The following EHBP1 variants were observed in gnomAD, a reference collection of about 807,000 sequenced individuals.
EHBP1 encodes the protein EH domain-binding protein 1.
Under a neutral mutation model 144.0 loss-of-function variants are expected in EHBP1, and 55 were observed. The ratio of observed to expected loss-of-function variants is 0.38; its 90% CI spans 0.31 to 0.48. The LOEUF (loss-of-function observed/expected upper bound fraction) is 0.48, where lower values mean the gene tolerates loss of function less well. Among genes scored for constraint, EHBP1 ranks in the 20% least tolerant of loss-of-function variants. The probability of loss-of-function intolerance (pLI) is 0.98; values close to 1 mark genes in which losing one functional copy is unlikely to be tolerated. For missense variants in EHBP1, 1,200 were observed against 1,364.2 expected, an observed-to-expected ratio of 0.88 and a Z score of 1.90; for synonymous variants, 469 against 472.7, an observed-to-expected ratio of 0.99 and a Z score of 0.10.
chr2:62,825,722 G>A (rs1026630144), intron 5 of EHBP1, among the ~76,000 whole-genome samples: 2 of 152,006 alleles, frequency 1.3e-5, no homozygotes, highest in Admixed American at 6.6e-5. Context: ...TCAAAGCAAA[G>A]CAAATAACTG....
At chr2:62,743,966 G>A (rs895134675) in intron 2 of EHBP1, among the ~76,000 whole-genome samples, 2 of 152,128 alleles carry the variant, frequency 1.3e-5, no homozygotes, top group South Asian at 2.1e-4. Context: ...AAAGCATGCC[G>A]TCTTCAGATT....
intron 10 of EHBP1, among the ~76,000 whole-genome samples, chr2:62,921,217 G>A (rs549855064): frequency 5.9e-5 from 9 of 152,000 alleles, no homozygotes; most frequent in East Asian, 1.9e-4. Context: ...AGGCTGAGGC[G>A]GGCGGATCAC....
chr2:62,700,081 T>C (rs1011888682), intron 1 of EHBP1, among the ~76,000 whole-genome samples: 1 of 152,192 alleles, frequency 6.6e-6, no homozygotes, highest in Non-Finnish European at 1.5e-5. Context: ...CACCAAAGAA[T>C]ACTGTTCCTA....
At chr2:63,022,814 A>G (rs1282728047) in intron 19 of EHBP1, among the ~76,000 whole-genome samples, 2 of 152,194 alleles carry the variant, frequency 1.3e-5, no homozygotes, top group Non-Finnish European at 2.9e-5. Context: ...CAAAGGAGCT[A>G]TCTCATCAGA....
chr2:62,816,109 T>G (rs1297885863), intron 5 of EHBP1, among the ~76,000 whole-genome samples: 2 of 152,184 alleles, frequency 1.3e-5, no homozygotes, highest in African/African-American at 4.8e-5. Context: ...ACTCCCATAC[T>G]TTTCCAGCTA....
chr2:62,904,854 TA>T (rs1331001803), intron 10 of EHBP1, among the ~76,000 whole-genome samples: 1 of 152,220 alleles, frequency 6.6e-6, no homozygotes, highest in Non-Finnish European at 1.5e-5. Context: ...TCTAGTGTCT[TA>T]CCATATGCTA....
At chr2:62,938,226 G>A (rs908661866) in intron 10 of EHBP1, among the ~76,000 whole-genome samples, 1 of 152,202 alleles carries the variant, frequency 6.6e-6, no homozygotes, top group South Asian at 2.1e-4. Flanking sequence ...CAGCCAACTG[G>A]AAATGTCAAC....
intron 10 of EHBP1, among the ~76,000 whole-genome samples, chr2:62,938,599 A>G (rs2056539562): frequency 1.3e-5 from 2 of 152,196 alleles, no homozygotes; most frequent in South Asian, 4.1e-4. Context: ...AAAATTCATT[A>G]TATTTGCAAG....
chr2:62,677,062 G>A (rs772668119), intron 1 of EHBP1, among the ~76,000 whole-genome samples: 1 of 152,170 alleles, frequency 6.6e-6, no homozygotes, highest in East Asian at 1.9e-4. Context: ...ACTCGCAGTG[G>A]TCGGGGAGGG....
intron 10 of EHBP1, among the ~76,000 whole-genome samples, chr2:62,891,632 A>AC (rs1284019872): frequency 6.6e-5 from 10 of 152,140 alleles, no homozygotes; most frequent in Non-Finnish European, 1.5e-4. Context: ...GGACATGTAA[A>AC]CGCTTCAATA....
intron 18 of EHBP1, among the ~76,000 whole-genome samples, chr2:62,994,758 A>G (rs1356413675): frequency 6.6e-6 from 1 of 152,132 alleles, no homozygotes; most frequent in African/African-American, 2.4e-5. Context: ...CACCAACTAC[A>G]TTTTAGGACT....
chr2:62,824,873 GA>G (rs1360993812), intron 5 of EHBP1, among the ~76,000 whole-genome samples: 1 of 151,814 alleles, frequency 6.6e-6, no homozygotes, highest in Non-Finnish European at 1.5e-5. Context: ...TCAAACATAG[GA>G]GAAATAAAGA....
chr2:62,889,761 G>C (rs1278178206), intron 10 of EHBP1, among the ~76,000 whole-genome samples: 1 of 151,500 alleles, frequency 6.6e-6, no homozygotes, highest in African/African-American at 2.4e-5. Context: ...GTCTATTTTT[G>C]TACTTGTTTT....
chr2:62,830,499 T>C (rs971662541), intron 6 of EHBP1, among the ~76,000 whole-genome samples: 7 of 152,168 alleles, frequency 4.6e-5, no homozygotes, highest in African/African-American at 1.7e-4. Context: ...ACTATTTCAT[T>C]TTTTACTTGT....
rs369538594 is a variant in EHBP1 at position 63,045,154 on chromosome 2, C to A, written c.3366C>A (p.Val1122=). 17 of 1,594,536 alleles carry A rather than the reference C, an allele frequency of 1.1e-5. No homozygotes were observed. Among genetic ancestry groups the A allele is most frequent in the Non-Finnish European group, 1.5e-5 (17 of 1,170,090 alleles). The part of the protein sequence containing the change: ...VALVNKRDAL[V]RDLDAQEKQA... ...TGGTGAACAAGCGCGATGCGCTCGTCAGGGACCTGGACGCGCAGGAGAAGC... is the reference window on the plus strand; with the variant it reads ...TGGTGAACAAGCGCGATGCGCTCGTAAGGGACCTGGACGCGCAGGAGAAGC... The change falls in exon 22 of 23, where the codon GTC becomes GTA. Residue 1122 remains valine, a synonymous_variant. Coordinates refer to ENST00000431489, the MANE Select transcript of EHBP1 (RefSeq NM_001142616.3). This position sits in a 1 kb window ranked among gnomAD's most constrained non-coding sequence, Gnocchi z 5.7.
intron 19 of EHBP1, among the ~76,000 whole-genome samples, chr2:63,034,474 A>G (rs1005759461): frequency 9.2e-5 from 14 of 152,114 alleles, no homozygotes; most frequent in Admixed American, 2.6e-4. Flanking sequence ...GTTAGGTTAA[A>G]TAAGATTAAA....
In EHBP1 at chr2:62,690,137, A is replaced by G. The variant is rs376192451; in HGVS notation, c.-296+16054A>G. ...ATCTGGGAGGCTGTGAAAGCAGTCT[A>G]GTTAACAGTCACCTGCAGCATAGCA... is the stretch of plus-strand genomic sequence containing the variant. On this transcript the variant is annotated intron_variant, in intron 1 of 22. Coordinates refer to the EHBP1 transcript ENST00000405015. Among the ~76,000 whole-genome samples, 37 of 152,330 alleles carry G rather than the reference A, an allele frequency of 2.4e-4. No homozygotes were observed. In the East Asian group the frequency reaches 3.7e-3, roughly 15 times the overall value.
At chr2:62,674,198 G>A in intron 1 of EHBP1, 2 of 464,878 alleles carry the variant, frequency 4.3e-6, no homozygotes, top group Admixed American at 2.4e-5. Context: ...TTTCATGTGT[G>A]TGTATGTGTG....
chr2:62,918,942 G>A (rs548276172), intron 10 of EHBP1, among the ~76,000 whole-genome samples: 54 of 151,998 alleles, frequency 3.6e-4, no homozygotes, highest in Non-Finnish European at 1.6e-4. Context: ...GGGGTCTATT[G>A]AAGCCTTCCA....
Sources: gnomAD v4.1 joint callset for allele counts (sites outside exome capture counted in the v4.1 genomes callset) on GRCh38, gnomAD v4.1.1 for gene constraint, Gnocchi (gnomAD v3.1) non-coding constraint, MANE v1.5 for transcripts, NCBI Gene and HGNC (gene_info 2026-07-23, HGNC 2026-07-21) for gene names.